Variants in RHOU observed in about 807,000 individuals in gnomAD.
RHOU encodes the protein rho-related GTP-binding protein RhoU.
A neutral mutation model predicts 12.6 loss-of-function variants in RHOU; 8 were observed. That is an observed-to-expected ratio of 0.64 (90% CI 0.37 to 1.15). RHOU has a LOEUF of 1.15. RHOU is among the 50% of genes most tolerant of loss of function. The pLI, the probability that RHOU is intolerant of heterozygous loss-of-function variation, is 0.01. For missense variants in RHOU, 258 were observed against 347.0 expected (o/e 0.74, Z 2.04); for synonymous variants, 161 against 147.4 (o/e 1.09, Z -0.67).
chr1:228,647,638 G>C, the RHOU span, among the ~76,000 whole-genome samples: 4 of 152,210 alleles, frequency 2.6e-5, no homozygotes, highest in Non-Finnish European at 5.9e-5. Flanking sequence ...GGTGGATCCG[G>C]GAGCGGGAAG....
chr1:228,723,627 C>T, the RHOU span, among the ~76,000 whole-genome samples: 1 of 152,232 alleles, frequency 6.6e-6, no homozygotes, highest in Admixed American at 6.5e-5. Context: ...CCGTCAGGCT[C>T]TAAGAGCTAA....
At chr1:228,689,069 A>G in the RHOU span, among the ~76,000 whole-genome samples, 1 of 152,202 alleles carries the variant, frequency 6.6e-6, no homozygotes, top group African/African-American at 2.4e-5. Flanking sequence ...CCGCCTGAAC[A>G]GTCCCTTCAG....
At chr1:228,661,641 A>G in the RHOU span, among the ~76,000 whole-genome samples, 1 of 152,330 alleles carries the variant, frequency 6.6e-6, no homozygotes, top group East Asian at 1.9e-4. Flanking sequence ...GAAAGCTGAA[A>G]CTGGATCACT....
chr1:228,734,528 A>C (rs913916782), upstream of RHOU, among the ~76,000 whole-genome samples: 1 of 152,220 alleles, frequency 6.6e-6, no homozygotes, highest in African/African-American at 2.4e-5. Context: ...TAATGTTAAG[A>C]TTAAAAGAAT....
the RHOU span, among the ~76,000 whole-genome samples, chr1:228,711,550 C>A: frequency 1.1e-4 from 17 of 152,168 alleles, no homozygotes; most frequent in African/African-American, 3.9e-4. Flanking sequence ...CAAAAACAAG[C>A]AATGGGGAAA....
chr1:228,718,532 G>A, the RHOU span, among the ~76,000 whole-genome samples: 1 of 152,140 alleles, frequency 6.6e-6, no homozygotes, highest in Non-Finnish European at 1.5e-5. Context: ...CTAGAAGAGT[G>A]TAGAAAAAGC....
chr1:228,650,805 C>T, the RHOU span: 1 of 425,594 alleles, frequency 2.3e-6, no homozygotes, highest in Non-Finnish European at 4.6e-6. Context: ...TACCATGCAT[C>T]CAAGTGCAAG....
the RHOU span, among the ~76,000 whole-genome samples, chr1:228,647,217 G>T: frequency 6.6e-6 from 1 of 152,194 alleles, no homozygotes; most frequent in African/African-American, 2.4e-5. Context: ...TTTTTTCTTG[G>T]ATGAATTGCT....
At chr1:228,651,914 C>G in the RHOU span, among the ~76,000 whole-genome samples, 1 of 152,094 alleles carries the variant, frequency 6.6e-6, no homozygotes, top group Admixed American at 6.6e-5. Flanking sequence ...CAATTTGAAC[C>G]CTGAAATGTT....
chr1:228,682,823 A>G, the RHOU span, among the ~76,000 whole-genome samples: 1 of 152,198 alleles, frequency 6.6e-6, no homozygotes, highest in African/African-American at 2.4e-5. Flanking sequence ...TTGTAATTCT[A>G]AAGGGAGTAT....
chr1:228,732,857 TA>T (rs1662522221), upstream of RHOU, among the ~76,000 whole-genome samples: 2 of 152,110 alleles, frequency 1.3e-5, no homozygotes. Context: ...AATAGAAAAT[TA>T]GATACAAAAA....
chr1:228,723,214 G>A, the RHOU span, among the ~76,000 whole-genome samples: 4 of 152,200 alleles, frequency 2.6e-5, no homozygotes, highest in Admixed American at 2.6e-4. Context: ...CTCTTGGAGT[G>A]GTTTTAAGGA....
the RHOU span, among the ~76,000 whole-genome samples, chr1:228,646,506 C>T: frequency 1.1e-5 from 1 of 94,894 alleles, no homozygotes; most frequent in Non-Finnish European, 2.1e-5. Flanking sequence ...TGGCCGAAGG[C>T]GAACAGCCGG....
the RHOU span, among the ~76,000 whole-genome samples, chr1:228,698,809 G>A: frequency 6.6e-6 from 1 of 152,268 alleles, no homozygotes; most frequent in East Asian, 1.9e-4. Context: ...CTTTATTAAG[G>A]CATAAAGTTG....
the RHOU span, among the ~76,000 whole-genome samples, chr1:228,654,127 T>TTG: frequency 1.5e-4 from 23 of 151,922 alleles, no homozygotes; most frequent in Middle Eastern, 3.4e-3. Flanking sequence ...TTTTTTTTTT[T>TTG]GAGTCAGAGT....
At chr1:228,732,098 TCTC>T (rs560326273), upstream of RHOU, among the ~76,000 whole-genome samples, 36 of 152,180 alleles carry the variant, frequency 2.4e-4, no homozygotes, top group Non-Finnish European at 1.9e-4. Flanking sequence ...TTTACATTCT[TCTC>T]CTTTTCTTTC....
the RHOU span, among the ~76,000 whole-genome samples, chr1:228,664,994 T>C: frequency 6.6e-5 from 10 of 152,296 alleles, no homozygotes; most frequent in African/African-American, 2.2e-4. Flanking sequence ...CAGGCTGTTA[T>C]GGTGATTTCT....
the RHOU span, among the ~76,000 whole-genome samples, chr1:228,689,076 T>G: frequency 6.6e-6 from 1 of 152,176 alleles, no homozygotes; most frequent in Non-Finnish European, 1.5e-5. Context: ...AACAGTCCCT[T>G]CAGAAGCTGC....
the RHOU span, among the ~76,000 whole-genome samples, chr1:228,692,584 T>G: frequency 6.6e-6 from 1 of 152,138 alleles, no homozygotes; most frequent in African/African-American, 2.4e-5. Context: ...TTTTCTTTTC[T>G]GGCGATTCTA....
Sources: allele counts gnomAD v4.1 joint callset (sites outside exome capture counted in the v4.1 genomes callset), GRCh38; gene constraint gnomAD v4.1.1; transcripts MANE v1.5; gene names NCBI Gene and HGNC (gene_info 2026-07-23, HGNC 2026-07-21).